Variants in MAT2A observed in about 807,000 individuals in gnomAD.
MAT2A encodes the protein methionine adenosyltransferase 2A, also known as S-adenosylmethionine synthase isoform type-2.
In MAT2A, 3 loss-of-function variants were observed where a neutral mutation model predicts 43.9. That is an observed-to-expected ratio of 0.07 (90% CI 0.03 to 0.18). The LOEUF (loss-of-function observed/expected upper bound fraction) is 0.18. MAT2A is among the 10% of genes least tolerant of loss of function. MAT2A has a pLI of 1.00. For synonymous variants in MAT2A, 200 were observed against 168.4 expected (o/e 1.19, Z -1.45); for missense variants, 204 against 489.0 (o/e 0.42, Z 5.50).
intron 8 of MAT2A, 183 bp downstream of exon 8, chr2:85,543,217 T>TA (rs1389368524): frequency 2.9e-5 from 19 of 647,966 alleles, no homozygotes; most frequent in Non-Finnish European, 4.4e-5. Flanking sequence ...AATTTAAAAT[T>TA]ACGGTGCTCC....
At chr2:85,539,489 G>A (rs1225168086) in intron 1 of MAT2A, 111 bp downstream of exon 1, 1 of 777,980 alleles carries the variant, frequency 1.3e-6, no homozygotes, top group Admixed American at 4.1e-5. Flanking sequence ...CTCGTCCGCC[G>A]GGTGATGGAA....
At position 85,541,817 on chromosome 2, in the gene MAT2A, T is replaced by G. The variant is rs1222548935; in HGVS notation, c.406-12T>G. On this transcript the variant is annotated splice_polypyrimidine_tract_variant and intron_variant, in intron 4 of 8. Coordinates refer to ENST00000306434, the MANE Select transcript of MAT2A (RefSeq NM_005911.6). ...TGGAGCTTGATCACATTGGTGACTT[T>G]TCTTTCTTTAGGGCTTAATGTTTGG... The G allele has an allele frequency of 1.9e-6, 3 of 1,613,888 alleles. No homozygotes were observed. Among genetic ancestry groups the G allele is most frequent in the Non-Finnish European group, 2.5e-6 (3 of 1,179,792 alleles).
intron 7 of MAT2A, 76 bp from the exon 8 acceptor site, chr2:85,542,825 T>G: frequency 6.4e-7 from 1 of 1,561,540 alleles, no homozygotes; most frequent in African/African-American, 1.4e-5. Context: ...CTTAACTACT[T>G]GTTTTATACC....
intron 3 of MAT2A, 31 bp downstream of exon 3, chr2:85,541,408 C>T: frequency 1.9e-6 from 3 of 1,604,552 alleles, no homozygotes; most frequent in Non-Finnish European, 2.5e-6. Flanking sequence ...TCATTTTTTT[C>T]TAGGTAACAG....
In MAT2A at chr2:85,544,354, T is replaced by A. The variant is rs1691557277; in HGVS notation, c.*582T>A. On this transcript the variant is annotated 3_prime_UTR_variant, in exon 9 of 9. Coordinates refer to ENST00000306434, the MANE Select transcript of MAT2A (RefSeq NM_005911.6). ...TCTTGCATGTAACGCAAGTTCCCAG[T>A]TGGAGCTCCAGCCTGACATCAAAAA... is the stretch of plus-strand genomic sequence containing the variant. 1 of 152,778 alleles carries A rather than the reference T, an allele frequency of 6.5e-6. No individual in the cohort carries two copies. The highest frequency in any genetic ancestry group is 1.5e-5 in the Non-Finnish European group (1 of 68,042). 9.5% of individuals were successfully genotyped at this position (152,778 alleles called of 1,614,324 possible). A position where few individuals can be genotyped will look rare whatever the true frequency, so the allele number is the denominator to read the frequency against.
chr2:85,541,557 T>G, intron 3 of MAT2A, 76 bp from the exon 4 acceptor site: 1 of 1,354,406 alleles, frequency 7.4e-7, no homozygotes, highest in Non-Finnish European at 1.0e-6. Flanking sequence ...TCAGCAGTGT[T>G]TAGAATTCCA....
intron 1 of MAT2A, among the ~76,000 whole-genome samples, chr2:85,540,831 G>T (rs926725301): frequency 1.3e-5 from 2 of 152,198 alleles, no homozygotes; most frequent in East Asian, 3.9e-4. Flanking sequence ...TTGTGGAAGT[G>T]AATATGATAT....
Position 85,541,728 on chromosome 2 carries a change from A to G in MAT2A, c.388A>G (p.Ile130Val). 1.2e-6 allele frequency: 2 copies of G among 1,614,218 alleles called. No individual in the cohort carries two copies. ...TCATCTTGACAGAAATGAAGAAGAC[A>G]TTGGTGCTGGAGACCAGGTATCTTG... ...GVHLDRNEED[I>V]GAGDQGLMFG... is the part of the protein sequence containing the mutation. Residue 130 changes from isoleucine (I) to valine (V), a missense_variant, in exon 4 of 9, where the codon ATT becomes GTT. Ile to Val is a conservative substitution (Grantham distance 29). Transcript: ENST00000306434.
chr2:85,542,532 A>G (rs779256554), intron 6 of MAT2A, 33 bp from the exon 7 acceptor site: 1 of 1,593,960 alleles, frequency 6.3e-7, no homozygotes, highest in South Asian at 1.1e-5. Context: ...GGAAAGCACT[A>G]GGCGTAAAGT....
intron 1 of MAT2A, 163 bp downstream of exon 1, chr2:85,539,541 T>C: frequency 2.0e-6 from 1 of 497,822 alleles, no homozygotes; most frequent in South Asian, 2.9e-5. Context: ...CGCCAGGGCC[T>C]GGCGCGTGGC....
intron 8 of MAT2A, 109 bp from the exon 9 acceptor site, chr2:85,543,561 A>G: frequency 1.4e-6 from 1 of 703,376 alleles, no homozygotes; most frequent in Non-Finnish European, 2.4e-6. Context: ...TTTTCCTAGC[A>G]TATCCCAGAG....
rs868778641 is a variant in MAT2A, at chr2:85,542,823, C to T, written c.951+76C>T. The T allele has an allele frequency of 3.8e-6, 6 of 1,562,302 alleles. No individual in the cohort carries two copies. In the Middle Eastern group the frequency reaches 7.2e-4, roughly 188 times the overall value. ...TATTTAGTAGTAATCTACTTAACTACTTGTTTTATACCAACGTATTATACA... is the reference window on the plus strand; with the variant it reads ...TATTTAGTAGTAATCTACTTAACTATTTGTTTTATACCAACGTATTATACA... On this transcript the variant is annotated intron_variant, in intron 7 of 8. Transcript: ENST00000306434.
Position 85,542,612 on chromosome 2 carries a change from C to A in MAT2A, c.816C>A (p.Gly272=), listed in dbSNP as rs182092279. The A allele has an allele frequency of 4.0e-5, 64 of 1,613,840 alleles. No individual in the cohort carries two copies. The highest frequency in any genetic ancestry group is 2.5e-4 in the Admixed American group (15 of 59,998). ...TGRKIIVDTY[G]GWGAHGGGAF... ...GCAAAATCATTGTGGACACTTATGGCGGTTGGGGTGCTCATGGAGGAGGTG... is the reference window on the plus strand; with the variant it reads ...GCAAAATCATTGTGGACACTTATGGAGGTTGGGGTGCTCATGGAGGAGGTG... Residue 272 remains glycine (G), a synonymous_variant, in exon 7 of 9, where the codon GGC becomes GGA. Transcript: ENST00000306434.
At chr2:85,543,099 A>C (rs1691520667) in intron 8 of MAT2A, 65 bp downstream of exon 8, 1 of 1,531,902 alleles carries the variant, frequency 6.5e-7, no homozygotes, top group African/African-American at 1.4e-5. Flanking sequence ...GTATATACTT[A>C]AGGCTGAGGA....
intron 6 of MAT2A, 66 bp from the exon 7 acceptor site, chr2:85,542,499 A>G: frequency 6.5e-7 from 1 of 1,549,316 alleles, no homozygotes; most frequent in Non-Finnish European, 8.9e-7. Flanking sequence ...GAATGAATTC[A>G]GAATAGGCAA....
rs780134186 is a variant in MAT2A, at chr2:85,541,951, A to G, written c.528A>G (p.Leu176=). The change falls in exon 5 of 9, where the codon TTA becomes TTG. Residue 176 remains leucine, a synonymous_variant. Coordinates refer to ENST00000306434, the MANE Select transcript of MAT2A (RefSeq NM_005911.6). ...GCCGTAATGGCACTTTGCCTTGGTTACGCCCTGATTCTAAAACTCAAGTAA... is the reference window on the plus strand; with the variant it reads ...GCCGTAATGGCACTTTGCCTTGGTTGCGCCCTGATTCTAAAACTCAAGTAA... ...ELRRNGTLPW[L]RPDSKTQVTV... 1 of 1,614,066 alleles carries G rather than the reference A, an allele frequency of 6.2e-7. No homozygotes were observed. The highest frequency in any genetic ancestry group is 1.1e-5 in the South Asian group (1 of 91,074).
At chr2:85,542,768 G>T (rs760713210) in intron 7 of MAT2A, 21 bp downstream of exon 7, 1 of 1,585,902 alleles carries the variant, frequency 6.3e-7, no homozygotes, top group South Asian at 1.1e-5. Flanking sequence ...TTTATATAAC[G>T]AACGATTAAA....
chr2:85,540,708 T>A (rs144137197), intron 1 of MAT2A, among the ~76,000 whole-genome samples: 16 of 152,352 alleles, frequency 1.1e-4, no homozygotes, highest in African/African-American at 3.8e-4. Flanking sequence ...TTTAATTGTT[T>A]AATCGAATTA....
In MAT2A at chr2:85,539,329, G is replaced by A. The variant is rs1691388841; in HGVS notation, c.42G>A (p.Glu14=). The A allele has an allele frequency of 1.2e-6, 2 of 1,607,196 alleles. No individual in the cohort carries two copies. Among genetic ancestry groups the A allele is most frequent in the East Asian group, 2.3e-5 (1 of 43,856 alleles). Residue 14 remains glutamate, a synonymous_variant, in exon 1 of 9, where the codon GAG becomes GAA. Transcript: ENST00000306434. ...ACGGCTTCCACGAGGCGTTCATCGA[G>A]GAGGGCACATTCCTTTTCACCTCAG... ...QLNGFHEAFI[E]EGTFLFTSES...
Sources: allele counts gnomAD v4.1 joint callset (sites outside exome capture counted in the v4.1 genomes callset), GRCh38; gene constraint gnomAD v4.1.1; transcripts MANE v1.5; gene names NCBI Gene and HGNC (gene_info 2026-07-23, HGNC 2026-07-21).